GARIN1A: variants seen among roughly 807,000 people sequenced by gnomAD.
GARIN1A encodes the protein golgi associated RAB2 interactor 1A.
chr7:128,706,339 A>G, the GARIN1A span, among the ~76,000 whole-genome samples: 3 of 152,136 alleles, frequency 2.0e-5, no homozygotes, highest in Non-Finnish European at 2.9e-5. Flanking sequence ...AAACCAATCT[A>G]CATACTTAGC....
the GARIN1A span, among the ~76,000 whole-genome samples, chr7:128,699,265 C>A: frequency 4.6e-4 from 65 of 139,944 alleles, 5 homozygotes; most frequent in African/African-American, 1.1e-3. Context: ...CTGCTGCCCC[C>A]CCCCCCCCAC....
chr7:128,707,010 A>T, the GARIN1A span, among the ~76,000 whole-genome samples: 2 of 150,582 alleles, frequency 1.3e-5, no homozygotes, highest in East Asian at 3.9e-4. Context: ...GACATGGGGT[A>T]TGCTCTCTCC....
At chr7:128,699,015 T>C in the GARIN1A span, among the ~76,000 whole-genome samples, 15 of 152,200 alleles carry the variant, frequency 9.9e-5, no homozygotes, top group African/African-American at 3.4e-4. Context: ...GGGCTCTTGC[T>C]ACTGAAGTCC....
chr7:128,679,977 G>A, the GARIN1A span: 2 of 1,102,756 alleles, frequency 1.8e-6, no homozygotes, highest in Non-Finnish European at 2.6e-6. Flanking sequence ...CCCCGAGGAG[G>A]CCAAGAACTC....
the GARIN1A span, chr7:128,683,230 C>G: frequency 3.2e-5 from 39 of 1,224,408 alleles, no homozygotes; most frequent in Non-Finnish European, 4.2e-5. Flanking sequence ...TCCTTTTCCA[C>G]TGTGAGCCAA....
At chr7:128,678,985 G>A in the GARIN1A span, among the ~76,000 whole-genome samples, 30 of 149,270 alleles carry the variant, frequency 2.0e-4, no homozygotes, top group East Asian at 1.4e-3. Context: ...CATATGTAAC[G>A]ATTGTTACAT....
At chr7:128,672,660 G>T in the GARIN1A span, 3 of 469,338 alleles carry the variant, frequency 6.4e-6, no homozygotes, top group African/African-American at 2.0e-5. Context: ...GGGGGGGGCG[G>T]GGGGACAAAG....
the GARIN1A span, among the ~76,000 whole-genome samples, chr7:128,708,734 CTCTT>C: frequency 6.6e-6 from 1 of 152,152 alleles, no homozygotes; most frequent in African/African-American, 2.4e-5. Context: ...CTGACTTAAC[CTCTT>C]TCTTTGTTAG....
chr7:128,678,755 A>G, the GARIN1A span, among the ~76,000 whole-genome samples: 3 of 151,332 alleles, frequency 2.0e-5, no homozygotes, highest in Non-Finnish European at 2.9e-5. Flanking sequence ...AGCTGAAATT[A>G]TGCCACTTTA....
the GARIN1A span, chr7:128,686,526 C>G: frequency 6.6e-6 from 1 of 152,182 alleles, no homozygotes; most frequent in African/African-American, 2.4e-5. Context: ...TCTCCAATGT[C>G]TTCCCAACTC....
chr7:128,701,303 TA>T, the GARIN1A span, among the ~76,000 whole-genome samples: 1 of 126,150 alleles, frequency 7.9e-6, no homozygotes, highest in African/African-American at 3.0e-5. Flanking sequence ...TTTACTTCTA[TA>T]GAAGGGTACA....
the GARIN1A span, among the ~76,000 whole-genome samples, chr7:128,707,374 A>G: frequency 6.6e-6 from 1 of 152,010 alleles, no homozygotes; most frequent in Non-Finnish European, 1.5e-5. Flanking sequence ...CTACAACTGA[A>G]ACTTTGTACT....
At chr7:128,695,444 C>A in the GARIN1A span, among the ~76,000 whole-genome samples, 1 of 152,246 alleles carries the variant, frequency 6.6e-6, no homozygotes, top group Non-Finnish European at 1.5e-5. This position sits in a 1 kb window ranked among gnomAD's most constrained non-coding sequence, Gnocchi z 4.5. Flanking sequence ...GGTCTCCCTG[C>A]AGCTGGAGGT....
At chr7:128,689,312 T>C in the GARIN1A span, among the ~76,000 whole-genome samples, 2 of 146,586 alleles carry the variant, frequency 1.4e-5, no homozygotes, top group Admixed American at 1.4e-4. Context: ...GTCTGGGAAG[T>C]GAGGAGCACC....
At chr7:128,675,741 T>A in the GARIN1A span, 33 of 1,613,690 alleles carry the variant, frequency 2.0e-5, no homozygotes, top group Middle Eastern at 1.6e-4. Context: ...CGGGGTCACC[T>A]CCTCGGTGCC....
chr7:128,704,944 A>G, the GARIN1A span, among the ~76,000 whole-genome samples: 1 of 152,236 alleles, frequency 6.6e-6, no homozygotes, highest in Non-Finnish European at 1.5e-5. Context: ...TGAACAAATA[A>G]GGAACCATCA....
chr7:128,701,926 C>G, the GARIN1A span, among the ~76,000 whole-genome samples: 2 of 151,964 alleles, frequency 1.3e-5, no homozygotes, highest in Admixed American at 1.3e-4. Flanking sequence ...ATATCCTACA[C>G]AAAAATAAGA....
chr7:128,707,306 C>T, the GARIN1A span, among the ~76,000 whole-genome samples: 3 of 151,376 alleles, frequency 2.0e-5, no homozygotes, highest in African/African-American at 4.9e-5. Context: ...TATAGTACAG[C>T]ATTGTTAGTG....
At chr7:128,689,740 GTGGGGGTC>G in the GARIN1A span, among the ~76,000 whole-genome samples, 2 of 104,644 alleles carry the variant, frequency 1.9e-5, no homozygotes, top group African/African-American at 6.3e-5. Context: ...CGGGAGGGAG[GTGGGGGTC>G]AGCCCCCGCC....
Sources: allele counts gnomAD v4.1 joint callset (sites outside exome capture counted in the v4.1 genomes callset), GRCh38; gene constraint gnomAD v4.1.1; non-coding constraint Gnocchi (gnomAD v3.1); transcripts MANE v1.5; gene names NCBI Gene and HGNC (gene_info 2026-07-23, HGNC 2026-07-21).